TAB2: variants seen among roughly 807,000 people sequenced by gnomAD.
The protein encoded by TAB2 is TGF-beta activated kinase 1 (MAP3K7) binding protein 2.
TAB2 carries 3 observed loss-of-function variants against 65.0 expected under a neutral mutation model. That is an observed-to-expected ratio of 0.05 (90% CI 0.02 to 0.12). TAB2 has a LOEUF of 0.12. Among genes scored for constraint, TAB2 ranks in the 10% least tolerant of loss-of-function variants. TAB2 has a pLI of 1.00. For synonymous variants in TAB2, 298 were observed against 285.1 expected (o/e 1.05, Z -0.46); for missense variants, 623 against 840.3 (o/e 0.74, Z 3.20).
intron 1 of TAB2, among the ~76,000 whole-genome samples, chr6:149,334,643 C>A (rs912628580): frequency 6.6e-6 from 1 of 151,484 alleles, no homozygotes; most frequent in Non-Finnish European, 1.5e-5. Context: ...TGACAGCACT[C>A]CAGCCTGGAA....
At chr6:149,336,034 A>G (rs945086962) in intron 1 of TAB2, among the ~76,000 whole-genome samples, 3 of 152,170 alleles carry the variant, frequency 2.0e-5, no homozygotes, top group African/African-American at 7.2e-5. Flanking sequence ...GGAAGATAGA[A>G]ATAAACATTT....
At chr6:149,262,518 G>C (rs950231082) in intron 1 of TAB2, among the ~76,000 whole-genome samples, 4 of 149,648 alleles carry the variant, frequency 2.7e-5, no homozygotes, top group Admixed American at 2.6e-4. Context: ...GGGCAACAGA[G>C]TGAAACTCGG....
chr6:149,245,340 A>G (rs1777688964), intron 1 of TAB2: 1 of 152,146 alleles, frequency 6.6e-6, no homozygotes, highest in Admixed American at 6.5e-5. Context: ...TCAAATCACT[A>G]TGGTGTGCTG....
chr6:149,409,779 A>G lies in TAB2; in HGVS notation c.*60A>G. On this transcript the variant is annotated 3_prime_UTR_variant, in exon 7 of 7. Transcript: ENST00000637181. ...CTAAAGTTCAAGAAACTAGTCTGTCATCGGGAAAAAGTTTCACTGCTACAT... is the reference window on the plus strand; with the variant it reads ...CTAAAGTTCAAGAAACTAGTCTGTCGTCGGGAAAAAGTTTCACTGCTACAT... 2 of 1,601,178 alleles carry G rather than the reference A, an allele frequency of 1.2e-6. No homozygotes were observed. Among genetic ancestry groups the G allele is most frequent in the Non-Finnish European group, 1.7e-6 (2 of 1,169,110 alleles).
chr6:149,253,486 C>G (rs957524947), intron 1 of TAB2, among the ~76,000 whole-genome samples: 2 of 151,938 alleles, frequency 1.3e-5, no homozygotes, highest in Non-Finnish European at 2.9e-5. Flanking sequence ...CAAAAATTAG[C>G]CGGGCGTGGT....
At chr6:149,295,688 T>A (rs1277445710) in intron 1 of TAB2, among the ~76,000 whole-genome samples, 1 of 152,134 alleles carries the variant, frequency 6.6e-6, no homozygotes, top group African/African-American at 2.4e-5. Context: ...TGCTTTTAAT[T>A]TGCTTTTGGT....
intron 1 of TAB2, among the ~76,000 whole-genome samples, chr6:149,232,128 G>A (rs1777417098): frequency 2.0e-5 from 3 of 152,180 alleles, no homozygotes; most frequent in African/African-American, 7.2e-5. Flanking sequence ...AGAATGATTG[G>A]GGAGGTGTTC....
intron 1 of TAB2, among the ~76,000 whole-genome samples, chr6:149,289,629 A>G (rs1372649113): frequency 2.0e-5 from 3 of 152,314 alleles, no homozygotes; most frequent in Admixed American, 1.3e-4. Flanking sequence ...TGCTGGGCCT[A>G]TGCCCGGAAA....
chr6:149,409,709 G>A lies in TAB2; in HGVS notation c.2072G>A (p.Arg691Lys). 1.2e-6 allele frequency: 2 copies of A among 1,614,114 alleles called. No homozygotes were observed. The highest frequency in any genetic ancestry group is 1.7e-6 in the Non-Finnish European group (2 of 1,179,972). Residue 691 changes from arginine to lysine, a missense_variant, in exon 7 of 7, where the codon AGG (arginine) becomes AAG (lysine). Transcript: ENST00000637181. ...LIRCEQCEMP[R>K]HF Reference sequence around the variant, plus strand: ...CGCTGTGAACAGTGTGAGATGCCAAGGCATTTCTGAGCCAAATGGCCCTGT... The same window carrying A: ...CGCTGTGAACAGTGTGAGATGCCAAAGCATTTCTGAGCCAAATGGCCCTGT...
intron 1 of TAB2, among the ~76,000 whole-genome samples, chr6:149,265,519 T>G (rs935683050): frequency 1.3e-5 from 2 of 151,612 alleles, no homozygotes; most frequent in African/African-American, 4.9e-5. Flanking sequence ...GGTTTCTGTT[T>G]GTGTTTTTGC....
chr6:149,386,246 C>T (rs910727119), intron 3 of TAB2, among the ~76,000 whole-genome samples: 29 of 152,248 alleles, frequency 1.9e-4, no homozygotes, highest in African/African-American at 6.7e-4. Flanking sequence ...TTACGTAAAT[C>T]TATTATTCTT....
intron 1 of TAB2, among the ~76,000 whole-genome samples, chr6:149,294,166 C>T (rs1778832607): frequency 6.6e-6 from 1 of 152,266 alleles, no homozygotes; most frequent in African/African-American, 2.4e-5. Context: ...GTCACTTAAA[C>T]AACAGAAATG....
At chr6:149,262,963 C>T (rs1778186121) in intron 1 of TAB2, among the ~76,000 whole-genome samples, 1 of 152,016 alleles carries the variant, frequency 6.6e-6, no homozygotes, top group Non-Finnish European at 1.5e-5. Flanking sequence ...ACCATTGTGC[C>T]CAGCTAATTT....
chr6:149,373,591 A>G (rs888728193), intron 2 of TAB2, among the ~76,000 whole-genome samples: 6 of 152,208 alleles, frequency 3.9e-5, no homozygotes, highest in Admixed American at 3.9e-4. Flanking sequence ...TGAATGCCAT[A>G]GGGTATATAT....
At chr6:149,342,805 A>T (rs1780170948) in intron 1 of TAB2, 1 of 152,210 alleles carries the variant, frequency 6.6e-6, no homozygotes, top group Non-Finnish European at 1.5e-5. Context: ...AACCAAGAAC[A>T]GCTACAATTT....
At chr6:149,229,392 A>ATG (rs1777353644) in intron 1 of TAB2, among the ~76,000 whole-genome samples, 2 of 82,532 alleles carry the variant, frequency 2.4e-5, no homozygotes, top group African/African-American at 1.3e-4. Context: ...ACCTTTAAAG[A>ATG]CGTGTGTGTG....
intron 1 of TAB2, among the ~76,000 whole-genome samples, chr6:149,306,286 A>G (rs1018831997): frequency 6.6e-6 from 1 of 152,152 alleles, no homozygotes; most frequent in African/African-American, 2.4e-5. Context: ...CACGCCTGTA[A>G]TCCCAGCACT....
At chr6:149,316,547 T>C (rs34730646), upstream of TAB2, among the ~76,000 whole-genome samples, 1,983 of 152,298 alleles carry the variant, frequency 0.013, 38 homozygotes, top group African/African-American at 0.046. Flanking sequence ...AAAAATGCCC[T>C]AGTGTTTTGG....
chr6:149,345,835 T>G (rs1379297107), intron 1 of TAB2, among the ~76,000 whole-genome samples: 1 of 152,238 alleles, frequency 6.6e-6, no homozygotes, highest in East Asian at 1.9e-4. Context: ...TCTTGATTTT[T>G]TTTCAGTCAA....
Sources: gnomAD v4.1 joint callset for allele counts (sites outside exome capture counted in the v4.1 genomes callset) on GRCh38, gnomAD v4.1.1 for gene constraint, MANE v1.5 for transcripts, NCBI Gene and HGNC (gene_info 2026-07-23, HGNC 2026-07-21) for gene names.